The following TAX1BP1 variants were observed in gnomAD, a reference collection of about 807,000 sequenced individuals.
TAX1BP1 encodes the protein tax1-binding protein 1.
TAX1BP1 carries 62 observed loss-of-function variants against 97.7 expected under a neutral mutation model. The observed-to-expected ratio is 0.63, with a 90% CI of 0.52 to 0.78. The LOEUF (loss-of-function observed/expected upper bound fraction) is 0.78, where lower values mean the gene tolerates loss of function less well. Among genes scored for constraint, TAX1BP1 ranks in the 30% least tolerant of loss-of-function variants. The probability of loss-of-function intolerance (pLI) is 0.00; values close to 1 mark genes in which losing one functional copy is unlikely to be tolerated. For synonymous variants in TAX1BP1, 340 were observed against 304.2 expected (o/e 1.12, Z -1.23); for missense variants, 867 against 916.1 (o/e 0.95, Z 0.69).
At chr7:27,752,321 G>C (rs1788048444) in intron 2 of TAX1BP1, among the ~76,000 whole-genome samples, 1 of 152,200 alleles carries the variant, frequency 6.6e-6, no homozygotes, top group South Asian at 2.1e-4. Context: ...GGGAGGGCTT[G>C]AGTATAGATA....
At chr7:27,799,285 C>T (rs546972322) in intron 12 of TAX1BP1, among the ~76,000 whole-genome samples, 2 of 152,252 alleles carry the variant, frequency 1.3e-5, no homozygotes, top group Admixed American at 1.3e-4. Context: ...TAAGCGTTCA[C>T]ATTGAACAAA....
chr7:27,741,861 C>T (rs1173884180), intron 1 of TAX1BP1, among the ~76,000 whole-genome samples: 1 of 152,214 alleles, frequency 6.6e-6, no homozygotes, highest in African/African-American at 2.4e-5. Flanking sequence ...CGAGAGGGGG[C>T]TATGTCAGGG....
At chr7:27,774,741 T>C (rs996404467) in intron 5 of TAX1BP1, among the ~76,000 whole-genome samples, 5 of 152,164 alleles carry the variant, frequency 3.3e-5, no homozygotes, top group Non-Finnish European at 7.4e-5. Flanking sequence ...TCTGTGGCCT[T>C]CCAGTTCTTT....
chr7:27,814,778 C>T (rs1363803278), intron 13 of TAX1BP1, among the ~76,000 whole-genome samples: 1 of 152,068 alleles, frequency 6.6e-6, no homozygotes, highest in African/African-American at 2.4e-5. Context: ...TTCTGTCACC[C>T]ATGCTGGAGT....
intron 13 of TAX1BP1, among the ~76,000 whole-genome samples, chr7:27,809,929 G>T (rs1037220144): frequency 6.7e-6 from 1 of 150,362 alleles, no homozygotes; most frequent in African/African-American, 2.4e-5. Context: ...TTTGGGAGAC[G>T]GAGAATCTTG....
intron 5 of TAX1BP1, among the ~76,000 whole-genome samples, chr7:27,775,403 T>C (rs1002282210): frequency 1.3e-5 from 2 of 152,196 alleles, no homozygotes; most frequent in African/African-American, 4.8e-5. Context: ...GGATCATATG[T>C]ATTAAAAGTT....
At chr7:27,760,095 C>T (rs1048689973) in intron 3 of TAX1BP1, among the ~76,000 whole-genome samples, 9 of 152,038 alleles carry the variant, frequency 5.9e-5, no homozygotes, top group Non-Finnish European at 8.8e-5. Context: ...CTCAGGTGAT[C>T]CACCCGCCTC....
intron 4 of TAX1BP1, among the ~76,000 whole-genome samples, chr7:27,768,794 T>C (rs1340224147): frequency 6.6e-6 from 1 of 152,040 alleles, no homozygotes; most frequent in Non-Finnish European, 1.5e-5. Flanking sequence ...AGTTTGCAGC[T>C]ATTCAACTTT....
intron 2 of TAX1BP1, among the ~76,000 whole-genome samples, chr7:27,754,294 G>C (rs1181478683): frequency 6.7e-6 from 1 of 149,470 alleles, no homozygotes; most frequent in Non-Finnish European, 1.5e-5. Context: ...CTCTTTTCCT[G>C]CCTTGGTCTC....
chr7:27,805,922 A>G (rs1790318472), intron 13 of TAX1BP1, among the ~76,000 whole-genome samples: 1 of 152,128 alleles, frequency 6.6e-6, no homozygotes, highest in Admixed American at 6.5e-5. Flanking sequence ...TGATGCCCCA[A>G]AATTTGTGTT....
At chr7:27,764,470 A>G (rs1788542956) in intron 3 of TAX1BP1, among the ~76,000 whole-genome samples, 1 of 152,210 alleles carries the variant, frequency 6.6e-6, no homozygotes, top group South Asian at 2.1e-4. Flanking sequence ...TTCTCAGTAC[A>G]TTTTATCAGG....
intron 1 of TAX1BP1, among the ~76,000 whole-genome samples, chr7:27,746,289 C>T (rs1332041676): frequency 6.6e-6 from 1 of 151,480 alleles, no homozygotes; most frequent in African/African-American, 2.4e-5. Context: ...TCTCTTAATT[C>T]AGTTTTGGTA....
intron 13 of TAX1BP1, among the ~76,000 whole-genome samples, chr7:27,811,143 A>G (rs1169135810): frequency 2.0e-5 from 3 of 152,130 alleles, no homozygotes; most frequent in Admixed American, 1.3e-4. Context: ...TACATAATAG[A>G]TGGTGTGCTA....
intron 12 of TAX1BP1, 116 bp from the exon 13 acceptor site, chr7:27,799,849 T>C: frequency 1.5e-6 from 1 of 674,118 alleles, no homozygotes; most frequent in Non-Finnish European, 2.2e-6. Flanking sequence ...ATTCCAATTT[T>C]TATGCTGTTA....
At chr7:27,743,001 A>G (rs1787678762) in intron 1 of TAX1BP1, among the ~76,000 whole-genome samples, 1 of 152,162 alleles carries the variant, frequency 6.6e-6, no homozygotes, top group African/African-American at 2.4e-5. Context: ...GGCTTTATGC[A>G]TTTCTGTCTT....
At chr7:27,797,136 T>C (rs1789965650) in intron 12 of TAX1BP1, among the ~76,000 whole-genome samples, 1 of 151,910 alleles carries the variant, frequency 6.6e-6, no homozygotes, top group Non-Finnish European at 1.5e-5. Context: ...TAGCTGAGAC[T>C]ACAGGCGCCT....
intron 5 of TAX1BP1, chr7:27,772,206 T>A (rs569407949): frequency 3.3e-5 from 5 of 151,888 alleles, no homozygotes; most frequent in Admixed American, 6.6e-5. Flanking sequence ...TCCATTTTAA[T>A]CAAGCATGCC....
intron 2 of TAX1BP1, among the ~76,000 whole-genome samples, chr7:27,756,718 CT>C (rs1246814510): frequency 2.1e-4 from 32 of 152,194 alleles, no homozygotes; most frequent in African/African-American, 7.7e-4. Context: ...ACTTCAGATG[CT>C]GCTTTTAGGT....
intron 2 of TAX1BP1, among the ~76,000 whole-genome samples, chr7:27,749,575 CCAGCCTGACGG>C (rs1260920340): frequency 1.3e-5 from 2 of 152,132 alleles, no homozygotes; most frequent in African/African-American, 2.4e-5. Flanking sequence ...AAGTAAAAGT[CCAGCCTGACGG>C]GAAGGCAGAA....
Sources: allele counts gnomAD v4.1 joint callset (sites outside exome capture counted in the v4.1 genomes callset), GRCh38; gene constraint gnomAD v4.1.1; transcripts MANE v1.5; gene names NCBI Gene and HGNC (gene_info 2026-07-23, HGNC 2026-07-21).